Variants in TMC2 observed in about 807,000 individuals in gnomAD.
TMC2 encodes transmembrane channel-like protein 2.
In TMC2, 102 loss-of-function variants were observed where a neutral mutation model predicts 105.9. The observed-to-expected ratio is 0.96, with a 90% CI of 0.82 to 1.14. The LOEUF is 1.14. Among genes scored for constraint, TMC2 ranks in the 50% most tolerant of loss-of-function variants. The probability of loss-of-function intolerance (pLI) is 0.00; values close to 1 mark genes in which losing one functional copy is unlikely to be tolerated. For synonymous variants in TMC2, 402 were observed against 422.8 expected (o/e 0.95, Z 0.60); for missense variants, 1,093 against 1,134.3 (o/e 0.96, Z 0.52).
At chr20:2,600,963 G>C (rs549155616) in intron 10 of TMC2, among the ~76,000 whole-genome samples, 2 of 133,916 alleles carry the variant, frequency 1.5e-5, no homozygotes, top group Non-Finnish European at 3.0e-5. Context: ...CTCCAGCCTA[G>C]GCGACGCAGC....
chr20:2,570,400 A>G (rs1433235704), intron 4 of TMC2, among the ~76,000 whole-genome samples: 1 of 152,152 alleles, frequency 6.6e-6, no homozygotes, highest in Non-Finnish European at 1.5e-5. Context: ...TCCCATTTAC[A>G]ATAGTCACAA....
chr20:2,639,984 T>C (rs888532783), intron 19 of TMC2, among the ~76,000 whole-genome samples: 7 of 152,106 alleles, frequency 4.6e-5, no homozygotes, highest in South Asian at 2.1e-4. Flanking sequence ...GTTTAGGAAT[T>C]TGAACTTTAT....
rs2086483601 is a variant in TMC2 at position 2,616,551 on chromosome 20, G to A, written c.1940+347G>A. Among the ~76,000 whole-genome samples, 1 of 147,002 alleles carries A rather than the reference G, an allele frequency of 6.8e-6. No homozygotes were observed. Among genetic ancestry groups the A allele is most frequent in the African/African-American group, 2.4e-5 (1 of 41,090 alleles). On this transcript the variant is annotated intron_variant, in intron 15 of 19. Coordinates refer to ENST00000358864, the MANE Select transcript of TMC2 (RefSeq NM_080751.3). The surrounding 1 kb of genome is among the most constrained non-coding windows in gnomAD (Gnocchi z 4.8). ...GGAGTAAAGAAGAGGAGGAAAAGAG[G>A]AGGAAAGGAAAATAAAGAAGGAGGG...
At chr20:2,628,776 C>G (rs377450111) in intron 17 of TMC2, among the ~76,000 whole-genome samples, 1 of 152,198 alleles carries the variant, frequency 6.6e-6, no homozygotes, top group South Asian at 2.1e-4. Flanking sequence ...ATAAATTACT[C>G]AGTCTTGGGT....
At chr20:2,629,505 C>A (rs2086587822) in intron 17 of TMC2, among the ~76,000 whole-genome samples, 1 of 111,880 alleles carries the variant, frequency 8.9e-6, no homozygotes, top group Non-Finnish European at 1.7e-5. Flanking sequence ...AGTAACTTTT[C>A]TAATTATTGA....
At chr20:2,573,561 C>CTTTTTTTTTTTTTTTTTTTTTTTT (rs370771531) in intron 5 of TMC2, among the ~76,000 whole-genome samples, 2 of 117,002 alleles carry the variant, frequency 1.7e-5, no homozygotes, top group African/African-American at 3.3e-5. Flanking sequence ...CTTTTCTTTT[C>CTTTTTTTTTTTTTTTTTTTTTTTT]TTTTTTTTTT....
At chr20:2,629,072 A>G (rs1222243086) in intron 17 of TMC2, among the ~76,000 whole-genome samples, 1 of 152,122 alleles carries the variant, frequency 6.6e-6, no homozygotes, top group Admixed American at 6.6e-5. Flanking sequence ...ACTGTACTCC[A>G]GCCTGGGCGA....
chr20:2,583,219 A>G (rs2086207736), intron 7 of TMC2, among the ~76,000 whole-genome samples: 1 of 152,228 alleles, frequency 6.6e-6, no homozygotes, highest in Non-Finnish European at 1.5e-5. Flanking sequence ...CTTTGAATAT[A>G]GGCTAGACCT....
At chr20:2,608,303 A>T (rs965112169) in intron 11 of TMC2, among the ~76,000 whole-genome samples, 22 of 107,636 alleles carry the variant, frequency 2.0e-4, no homozygotes, top group East Asian at 4.6e-4. Flanking sequence ...ATTTTTATTT[A>T]TTATTATTAT....
At chr20:2,547,462 G>C (rs1326487053) in intron 2 of TMC2, among the ~76,000 whole-genome samples, 1 of 152,160 alleles carries the variant, frequency 6.6e-6, no homozygotes, top group Non-Finnish European at 1.5e-5. Flanking sequence ...AGTTAACCTA[G>C]AGAAGGCTAA....
chr20:2,563,673 G>A (rs548443313), intron 4 of TMC2, among the ~76,000 whole-genome samples: 4 of 152,232 alleles, frequency 2.6e-5, no homozygotes, highest in Non-Finnish European at 4.4e-5. Flanking sequence ...TAATTAACTC[G>A]ATTTGACAAT....
At chr20:2,637,009 A>G (rs898370014) in intron 18 of TMC2, among the ~76,000 whole-genome samples, 3 of 152,128 alleles carry the variant, frequency 2.0e-5, no homozygotes, top group African/African-American at 7.2e-5. Flanking sequence ...ATGTTCCTTC[A>G]ATTGCTATGT....
Position 2,612,266 on chromosome 20 carries a change from G to C in TMC2, c.1669G>C (p.Glu557Gln). The change falls in exon 13 of 20, where the codon GAG (glutamate) becomes CAG (glutamine). Residue 557 changes from glutamate (E) to glutamine (Q), a missense_variant. Coordinates refer to ENST00000358864, the MANE Select transcript of TMC2 (RefSeq NM_080751.3). ...FNYYNSSGWN[E>Q]SVPRPPLHPA... ...CTATTACAACTCTTCTGGTTGGAAC[G>C]AGAGTGTCCCCCGACCACCCCTGCA... 1 of 1,612,800 alleles carries C rather than the reference G, an allele frequency of 6.2e-7. No homozygotes were observed. The highest frequency in any genetic ancestry group is 8.5e-7 in the Non-Finnish European group (1 of 1,179,358).
chr20:2,630,658 A>G (rs1454578691), intron 17 of TMC2, among the ~76,000 whole-genome samples: 2 of 152,116 alleles, frequency 1.3e-5, no homozygotes, highest in Non-Finnish European at 2.9e-5. Context: ...CCATCTCTAC[A>G]AAAACTTTAA....
At chr20:2,602,469 A>G (rs1025011538) in intron 11 of TMC2, among the ~76,000 whole-genome samples, 168 bp downstream of exon 11, 1 of 152,214 alleles carries the variant, frequency 6.6e-6, no homozygotes, top group Non-Finnish European at 1.5e-5. Context: ...AGAAAAAGTC[A>G]CCTATTATTA....
At chr20:2,572,294 C>A in intron 5 of TMC2, 25 bp downstream of exon 5, 1 of 1,568,108 alleles carries the variant, frequency 6.4e-7, no homozygotes, top group Non-Finnish European at 8.8e-7. Flanking sequence ...GGCAGTGAAT[C>A]TGTTGGGAGG....
intron 2 of TMC2, among the ~76,000 whole-genome samples, chr20:2,549,633 C>T (rs1471778540): frequency 1.3e-5 from 2 of 152,016 alleles, no homozygotes; most frequent in Non-Finnish European, 2.9e-5. Flanking sequence ...ATCCCAGCTA[C>T]TCAAGAGGCT....
At chr20:2,550,735 A>G (rs2085951842) in intron 2 of TMC2, among the ~76,000 whole-genome samples, 2 of 152,334 alleles carry the variant, frequency 1.3e-5, no homozygotes, top group South Asian at 4.1e-4. Context: ...TTACAATCAT[A>G]CAGCATATAA....
In TMC2 at chr20:2,616,987, C is replaced by T. The variant is rs2146247513; in HGVS notation, c.1941-85C>T. On this transcript the variant is annotated intron_variant, in intron 15 of 19. Transcript: ENST00000358864. This position sits in a 1 kb window ranked among gnomAD's most constrained non-coding sequence, Gnocchi z 4.8. ...AAGCAGCTCGGCCTCATGCCCCTAACCCATCCGTCCCATTTCCTTCTATCA... is the reference window on the plus strand; with the variant it reads ...AAGCAGCTCGGCCTCATGCCCCTAATCCATCCGTCCCATTTCCTTCTATCA... 6.5e-7 allele frequency: 1 copy of T among 1,538,024 alleles called. No individual in the cohort carries two copies. The highest frequency in any genetic ancestry group is 8.9e-7 in the Non-Finnish European group (1 of 1,126,466).
Sources: gnomAD v4.1 joint callset for allele counts (sites outside exome capture counted in the v4.1 genomes callset) on GRCh38, gnomAD v4.1.1 for gene constraint, Gnocchi (gnomAD v3.1) non-coding constraint, MANE v1.5 for transcripts, NCBI Gene and HGNC (gene_info 2026-07-23, HGNC 2026-07-21) for gene names.